DYNC2LI1: variants seen among roughly 807,000 people sequenced by gnomAD.
The protein encoded by DYNC2LI1 is dynein cytoplasmic 2 light intermediate chain 1.
In DYNC2LI1, 45 loss-of-function variants were observed where a neutral mutation model predicts 51.9. The ratio of observed to expected loss-of-function variants is 0.87; its 90% CI spans 0.68 to 1.11. The LOEUF is 1.11. Ranked by LOEUF, DYNC2LI1 falls within the 50% of genes most tolerant of loss-of-function variation. The pLI, the probability that DYNC2LI1 is intolerant of heterozygous loss-of-function variation, is 0.00. For synonymous variants in DYNC2LI1, 130 were observed against 137.8 expected, an observed-to-expected ratio of 0.94 and a Z score of 0.40; for missense variants, 490 against 417.4, an observed-to-expected ratio of 1.17 and a Z score of -1.51.
intron 2 of DYNC2LI1, 32 bp from the exon 3 acceptor site, chr2:43,783,488 T>G (rs758540146): frequency 6.7e-7 from 1 of 1,492,572 alleles, no homozygotes; most frequent in Non-Finnish European, 9.0e-7. Flanking sequence ...TGAGTGACAT[T>G]AACGCAGTGT....
intron 2 of DYNC2LI1, among the ~76,000 whole-genome samples, chr2:43,779,831 A>G (rs1237976799): frequency 6.6e-6 from 1 of 152,210 alleles, no homozygotes; most frequent in Admixed American, 6.5e-5. Context: ...CATTTTGATG[A>G]TGGATGTTAG....
At chr2:43,813,693 T>G (rs553016982), downstream of DYNC2LI1, among the ~76,000 whole-genome samples, 3,090 of 139,690 alleles carry the variant, frequency 0.022, 122 homozygotes, top group African/African-American at 0.069. Flanking sequence ...TTGTTTTTTT[T>G]GGGGTTTTTT....
chr2:43,815,482 G>A, the DYNC2LI1 span, among the ~76,000 whole-genome samples: 4 of 152,184 alleles, frequency 2.6e-5, no homozygotes, highest in Non-Finnish European at 5.9e-5. Context: ...CATCCATGAT[G>A]TTCTTGTATT....
chr2:43,816,432 C>T, the DYNC2LI1 span, among the ~76,000 whole-genome samples: 10 of 147,264 alleles, frequency 6.8e-5, no homozygotes, highest in Admixed American at 2.1e-4. Flanking sequence ...GTGCAGGTGG[C>T]GGAGAGAGAG....
downstream of DYNC2LI1, among the ~76,000 whole-genome samples, chr2:43,814,284 C>T (rs943705933): frequency 6.6e-6 from 1 of 152,172 alleles, no homozygotes; most frequent in Non-Finnish European, 1.5e-5. Context: ...TGACCTTTGA[C>T]AGGAGACTAA....
At chr2:43,786,604 A>G (rs1266356689) in intron 3 of DYNC2LI1, among the ~76,000 whole-genome samples, 1 of 152,074 alleles carries the variant, frequency 6.6e-6, no homozygotes, top group African/African-American at 2.4e-5. Flanking sequence ...GATCGAGACC[A>G]TCCTGGTCAG....
rs558296898 is a variant in DYNC2LI1, at chr2:43,774,129, G to A, written c.-10G>A. 1 of 1,613,944 alleles carries A rather than the reference G, an allele frequency of 6.2e-7. No individual in the cohort carries two copies. Among genetic ancestry groups the A allele is most frequent in the South Asian group, 1.1e-5 (1 of 91,020 alleles). On this transcript the variant is annotated 5_prime_UTR_variant, in exon 1 of 13. Coordinates refer to ENST00000260605, the MANE Select transcript of DYNC2LI1 (RefSeq NM_016008.4). The stretch of plus-strand genomic sequence containing the variant: ...AGCCTGTGACGTTTGCGGCAGCCAG[G>A]CCGTCGACGATGCCCAGGTATTCCC...
At chr2:43,797,833 A>T (rs1665935819) in intron 8 of DYNC2LI1, among the ~76,000 whole-genome samples, 2 of 152,142 alleles carry the variant, frequency 1.3e-5, no homozygotes, top group Non-Finnish European at 2.9e-5. Context: ...ATTTTTATTT[A>T]AAAAATTTCC....
At chr2:43,817,541 C>A in the DYNC2LI1 span, among the ~76,000 whole-genome samples, 39,982 of 151,782 alleles carry the variant, frequency 0.26, 8,648 homozygotes, top group African/African-American at 0.59. Flanking sequence ...TTTCCTAAAA[C>A]CCTAATACAA....
chr2:43,774,049 A>T lies in DYNC2LI1; in HGVS notation c.-90A>T. The stretch of plus-strand genomic sequence containing the variant: ...CTCCCATGGCAACCCAGAAGGCCTC[A>T]CTCCCAGACTCCTTGCGGAGCTCGC... On this transcript the variant is annotated 5_prime_UTR_variant, in exon 1 of 13. Transcript: ENST00000260605. The T allele has an allele frequency of 6.4e-7, 1 of 1,554,416 alleles. No homozygotes were observed. Among genetic ancestry groups the T allele is most frequent in the South Asian group, 1.2e-5 (1 of 84,890 alleles).
chr2:43,804,129 T>C (rs1476924720), intron 10 of DYNC2LI1, among the ~76,000 whole-genome samples: 1 of 152,238 alleles, frequency 6.6e-6, no homozygotes, highest in African/African-American at 2.4e-5. Flanking sequence ...TATACCAATA[T>C]ACCTTAGTAG....
At chr2:43,821,881 T>C in the DYNC2LI1 span, among the ~76,000 whole-genome samples, 2 of 151,918 alleles carry the variant, frequency 1.3e-5, no homozygotes, top group African/African-American at 4.8e-5. Context: ...TCTCTCCCCC[T>C]CTCTTCCCGC....
At chr2:43,816,288 C>T in the DYNC2LI1 span, among the ~76,000 whole-genome samples, 2 of 152,126 alleles carry the variant, frequency 1.3e-5, no homozygotes, top group East Asian at 3.8e-4. Context: ...CAGCTGCTGC[C>T]TTCAAGGGGT....
intron 4 of DYNC2LI1, 93 bp from the exon 5 acceptor site, chr2:43,789,540 G>A (rs146469412): frequency 5.6e-6 from 6 of 1,062,478 alleles, no homozygotes; most frequent in Non-Finnish European, 6.9e-6. Flanking sequence ...ATTAAGGACT[G>A]CAATATTTTG....
At chr2:43,828,044 C>T in the DYNC2LI1 span, 1 of 1,614,000 alleles carries the variant, frequency 6.2e-7, no homozygotes, top group Non-Finnish European at 8.5e-7. Flanking sequence ...TGGAAATGCC[C>T]CCCAAGCTGT....
chr2:43,782,377 A>C (rs1400804869), intron 2 of DYNC2LI1, among the ~76,000 whole-genome samples: 1 of 151,924 alleles, frequency 6.6e-6, no homozygotes, highest in Non-Finnish European at 1.5e-5. Context: ...CTTTTTTGTC[A>C]AAAACTATAG....
the DYNC2LI1 span, among the ~76,000 whole-genome samples, chr2:43,816,427 G>C: frequency 2.0e-5 from 3 of 147,960 alleles, no homozygotes; most frequent in Admixed American, 2.0e-4. Flanking sequence ...ACTTTGTGCA[G>C]GTGGCGGAGA....
chr2:43,823,913 A>C, the DYNC2LI1 span: 1 of 1,613,904 alleles, frequency 6.2e-7, no homozygotes, highest in Non-Finnish European at 8.5e-7. Flanking sequence ...GGGCACTTAC[A>C]CAGATTCACA....
chr2:43,821,045 C>T, the DYNC2LI1 span, among the ~76,000 whole-genome samples: 1 of 152,152 alleles, frequency 6.6e-6, no homozygotes, highest in African/African-American at 2.4e-5. Context: ...CTGGTGATAG[C>T]GTATCTTCAA....
Sources: allele counts gnomAD v4.1 joint callset (sites outside exome capture counted in the v4.1 genomes callset), GRCh38; gene constraint gnomAD v4.1.1; transcripts MANE v1.5; gene names NCBI Gene and HGNC (gene_info 2026-07-23, HGNC 2026-07-21).